Variants in NUDCD3 observed in about 807,000 individuals in gnomAD.
NUDCD3 encodes the protein nudC domain-containing protein 3.
Under a neutral mutation model 39.7 loss-of-function variants are expected in NUDCD3, and 13 were observed. The observed-to-expected ratio is 0.33, with a 90% CI of 0.21 to 0.52. The LOEUF is 0.52. NUDCD3 is among the 20% of genes least tolerant of loss of function. The pLI, the probability that NUDCD3 is intolerant of heterozygous loss-of-function variation, is 0.96. For missense variants in NUDCD3, 453 were observed against 458.1 expected (o/e 0.99, Z 0.10); for synonymous variants, 175 against 172.4 (o/e 1.02, Z -0.12).
At chr7:44,458,452 A>C (rs1016086408) in intron 2 of NUDCD3, among the ~76,000 whole-genome samples, 4 of 152,032 alleles carry the variant, frequency 2.6e-5, no homozygotes, top group African/African-American at 9.7e-5. Flanking sequence ...CTGAGGTCAG[A>C]AGTTTGTGAC....
intron 2 of NUDCD3, among the ~76,000 whole-genome samples, chr7:44,442,107 T>C (rs2116923257): frequency 6.6e-6 from 1 of 152,290 alleles, no homozygotes; most frequent in South Asian, 2.1e-4. Context: ...CTCAGAACAG[T>C]GTACGACTCA....
chr7:44,437,398 TTC>T (rs1433967523), intron 2 of NUDCD3, among the ~76,000 whole-genome samples: 3 of 152,202 alleles, frequency 2.0e-5, no homozygotes, highest in African/African-American at 4.8e-5. Flanking sequence ...TCTTTGTAAA[TTC>T]TCTTTTCTTC....
chr7:44,406,890 G>T (rs1798831789), intron 3 of NUDCD3, among the ~76,000 whole-genome samples: 1 of 152,170 alleles, frequency 6.6e-6, no homozygotes, highest in African/African-American at 2.4e-5. Flanking sequence ...AGAAGCCACA[G>T]CTACATAGGC....
intron 2 of NUDCD3, among the ~76,000 whole-genome samples, chr7:44,458,103 T>C (rs1379960381): frequency 6.6e-6 from 1 of 152,190 alleles, no homozygotes; most frequent in African/African-American, 2.4e-5. Context: ...AAATGAAGTA[T>C]GTCCATACAA....
intron 3 of NUDCD3, among the ~76,000 whole-genome samples, chr7:44,421,179 C>A (rs1184004502): frequency 6.6e-6 from 1 of 151,790 alleles, no homozygotes; most frequent in Admixed American, 6.6e-5. Context: ...ACTAAAAATA[C>A]AAAAATTAGC....
intron 2 of NUDCD3, among the ~76,000 whole-genome samples, chr7:44,430,558 ACACACACACAC>A (rs1799340959): frequency 7.0e-6 from 1 of 142,218 alleles, no homozygotes; most frequent in African/African-American, 2.8e-5. Flanking sequence ...AAATACCCAC[ACACACACACAC>A]TCACACACAC....
chr7:44,430,554 CCACACACACACACACTCACA>C (rs931927089), intron 2 of NUDCD3, among the ~76,000 whole-genome samples: 1 of 140,772 alleles, frequency 7.1e-6, no homozygotes, highest in Non-Finnish European at 1.5e-5. Flanking sequence ...AATAAAATAC[CCACACACACACACACTCACA>C]CACACACACA....
chr7:44,470,402 T>C (rs187694793), intron 2 of NUDCD3, among the ~76,000 whole-genome samples: 3 of 152,322 alleles, frequency 2.0e-5, no homozygotes, highest in East Asian at 1.9e-4. Flanking sequence ...AGATGACTTA[T>C]TCCAGAGGGT....
At chr7:44,468,033 G>C in intron 2 of NUDCD3, 1 of 1,612,898 alleles carries the variant, frequency 6.2e-7, no homozygotes, top group Non-Finnish European at 8.5e-7. Flanking sequence ...AACAGGGTTC[G>C]TAGAAGATTC....
rs1043776269 is a variant in NUDCD3, at chr7:44,483,709, T to G, written c.509+1259A>C. On this transcript the variant is annotated intron_variant, in intron 2 of 5. Transcript: ENST00000355451. ...ACAAAACTTATTTTCTCTTACTCCATATTTTATAAGCCATTCCAAGTTGTT... is the reference window on the plus strand; with the variant it reads ...ACAAAACTTATTTTCTCTTACTCCAGATTTTATAAGCCATTCCAAGTTGTT... Among the ~76,000 whole-genome samples, 376 of 152,134 alleles carry G rather than the reference T, an allele frequency of 2.5e-3. 8 individuals are homozygous for G. The highest frequency in any genetic ancestry group is 4.4e-4 in the Non-Finnish European group (30 of 68,032).
chr7:44,394,736 G>C (rs766492776), intron 4 of NUDCD3, among the ~76,000 whole-genome samples: 13 of 152,236 alleles, frequency 8.5e-5, no homozygotes, highest in Admixed American at 3.3e-4. Context: ...AGGCAAAGCA[G>C]AGCTACACTG....
chr7:44,475,142 C>T (rs1168946505), intron 2 of NUDCD3, among the ~76,000 whole-genome samples: 2 of 148,058 alleles, frequency 1.4e-5, no homozygotes, highest in Non-Finnish European at 3.0e-5. Flanking sequence ...GACGAAGTCT[C>T]GCTCTGTCAC....
chr7:44,474,716 T>C (rs1223931655), intron 2 of NUDCD3, among the ~76,000 whole-genome samples: 1 of 152,164 alleles, frequency 6.6e-6, no homozygotes, highest in Admixed American at 6.5e-5. Flanking sequence ...AACTGCAAAA[T>C]AAAAAATAAA....
At chr7:44,460,012 C>G in intron 2 of NUDCD3, among the ~76,000 whole-genome samples, 1 of 152,270 alleles carries the variant, frequency 6.6e-6, no homozygotes, top group East Asian at 1.9e-4. Context: ...AAAGAACAGT[C>G]TTGAGCCCTT....
At chr7:44,427,848 A>G in intron 2 of NUDCD3, 145 bp from the exon 3 acceptor site, 1 of 759,996 alleles carries the variant, frequency 1.3e-6, no homozygotes, top group Non-Finnish European at 2.1e-6. Flanking sequence ...GCATCTGCAA[A>G]CTCCTCTTCT....
chr7:44,427,994 T>C (rs143158350), intron 2 of NUDCD3, among the ~76,000 whole-genome samples: 54 of 152,152 alleles, frequency 3.5e-4, no homozygotes, highest in African/African-American at 1.1e-3. Context: ...AGTCAAACCA[T>C]AGCTGGTACT....
intron 2 of NUDCD3, among the ~76,000 whole-genome samples, chr7:44,427,948 A>G (rs534639531): frequency 6.6e-6 from 1 of 152,218 alleles, no homozygotes; most frequent in East Asian, 1.9e-4. Context: ...ACCCCAGTGC[A>G]GCATCCTACA....
intron 2 of NUDCD3, among the ~76,000 whole-genome samples, chr7:44,439,010 G>A (rs1799520998): frequency 1.3e-5 from 2 of 152,216 alleles, no homozygotes; most frequent in African/African-American, 4.8e-5. Flanking sequence ...GTGAGGCAAT[G>A]AACTAACAGA....
chr7:44,408,428 T>C (rs1484488951), intron 3 of NUDCD3, among the ~76,000 whole-genome samples: 2 of 152,104 alleles, frequency 1.3e-5, no homozygotes, highest in Non-Finnish European at 2.9e-5. Context: ...TTCTAGACAA[T>C]ACTCAGTATT....
Sources: gnomAD v4.1 joint callset for allele counts (sites outside exome capture counted in the v4.1 genomes callset) on GRCh38, gnomAD v4.1.1 for gene constraint, MANE v1.5 for transcripts, NCBI Gene and HGNC (gene_info 2026-07-23, HGNC 2026-07-21) for gene names.